UTP15: variants seen among roughly 807,000 people sequenced by gnomAD.
UTP15 encodes the protein UTP15 small subunit processome component.
Under a neutral mutation model 59.1 loss-of-function variants are expected in UTP15, and 5 were observed. The ratio of observed to expected loss-of-function variants is 0.08; its 90% CI spans 0.04 to 0.18. UTP15 has a LOEUF of 0.18. Among genes scored for constraint, UTP15 ranks in the 10% least tolerant of loss-of-function variants. The probability of loss-of-function intolerance (pLI) is 1.00; values close to 1 mark genes in which losing one functional copy is unlikely to be tolerated. For missense variants in UTP15, 494 were observed against 616.7 expected, an observed-to-expected ratio of 0.80 and a Z score of 2.11; for synonymous variants, 211 against 212.2, an observed-to-expected ratio of 0.99 and a Z score of 0.05.
chr5:73,569,612 G>A lies in UTP15; in HGVS notation c.484G>A (p.Glu162Lys). The change falls in exon 5 of 13, where the codon GAA becomes AAA. Residue 162 changes from glutamate (E) to lysine (K), a missense_variant. By Grantham distance (56) the Glu-to-Lys change is moderately conservative. Transcript: ENST00000296792. ...CTCCAAAGAAATTTTGACATTTAAA[G>A]AACACTCTGATTATGTGAGGTGTGG... ...PNSKEILTFK[E>K]HSDYVRCGCA... is the part of the protein sequence containing the mutation. 1 of 1,613,748 alleles carries A rather than the reference G, an allele frequency of 6.2e-7. No individual in the cohort carries two copies. The highest frequency in any genetic ancestry group is 8.5e-7 in the Non-Finnish European group (1 of 1,179,856).
At chr5:73,570,402 G>A (rs761812800) in intron 5 of UTP15, among the ~76,000 whole-genome samples, 184 bp from the exon 6 acceptor site, 2 of 152,200 alleles carry the variant, frequency 1.3e-5, no homozygotes, top group South Asian at 2.1e-4. Context: ...ATAGTATTAT[G>A]TAGTGCTTCT....
Position 73,578,811 on chromosome 5 carries a change from A to G in UTP15, c.1105A>G (p.Lys369Glu), listed in dbSNP as rs151157740. ...KHLELYDRDLKHFRISKALDR... is the reference protein window; with the variant it reads ...KHLELYDRDLEHFRISKALDR... ...CCTAGAATTGTATGACAGGGATCTG[A>G]AACATTTTCGGATCTCTAAGGCACT... The change falls in exon 10 of 13, where the codon AAA (lysine) becomes GAA (glutamate). Residue 369 changes from lysine (K) to glutamate (E), a missense_variant. Lys to Glu is a moderately conservative substitution (Grantham distance 56). Coordinates refer to ENST00000296792, the MANE Select transcript of UTP15 (RefSeq NM_032175.4). The G allele has an allele frequency of 7.1e-4, 1,143 of 1,613,990 alleles. 21 individuals carry two copies. The Admixed American group carries it at 0.017, about 25-fold the overall frequency.
At chr5:73,570,192 GT>G (rs760841078) in intron 5 of UTP15, among the ~76,000 whole-genome samples, 18 of 152,214 alleles carry the variant, frequency 1.2e-4, no homozygotes, top group Non-Finnish European at 2.5e-4. Flanking sequence ...TCTTCCAAAT[GT>G]GTTTGGAAAA....
intron 7 of UTP15, among the ~76,000 whole-genome samples, chr5:73,573,554 G>T (rs1748004092): frequency 7.0e-6 from 1 of 141,888 alleles, no homozygotes; most frequent in African/African-American, 2.6e-5. Context: ...GGCCTGAAAA[G>T]TTTTTTAAAA....
chr5:73,579,987 T>A lies in UTP15; in HGVS notation c.1450T>A (p.Leu484Met), dbSNP rs536479602. The A allele has an allele frequency of 3.1e-6, 5 of 1,613,894 alleles. No individual in the cohort carries two copies. Among genetic ancestry groups the A allele is most frequent in the Non-Finnish European group, 4.2e-6 (5 of 1,179,854 alleles). Residue 484 changes from leucine (L) to methionine (M), a missense_variant, in exon 13 of 13, where the codon TTG becomes ATG. Transcript: ENST00000296792. ...TTACCAAAGAGAATTGTTAGAAACC[T>A]TGGGGATGATGGATATGCTTTTTGC... ...IDYQRELLET[L>M]GMMDMLFATM...
chr5:73,573,966 A>C (rs1264430396), intron 7 of UTP15, among the ~76,000 whole-genome samples: 1 of 152,124 alleles, frequency 6.6e-6, no homozygotes, highest in Non-Finnish European at 1.5e-5. Context: ...TATGTAATCT[A>C]TGTCAAAATT....
chr5:73,579,420 G>A (rs1360561105), intron 12 of UTP15, 45 bp downstream of exon 12: 7 of 1,414,750 alleles, frequency 4.9e-6, no homozygotes, highest in Non-Finnish European at 6.8e-6. Context: ...GCTTGCAAAA[G>A]TAGAGATGTC....
rs142841898 is a variant in UTP15, at chr5:73,580,078, A to C, written c.1541A>C (p.Lys514Thr). 1.1e-5 allele frequency: 17 copies of C among 1,613,420 alleles called. No individual in the cohort carries two copies. In the African/African-American group the frequency reaches 2.0e-4, roughly 19 times the overall value. ...EHTSDGFPEN[K>T]KIES ...ACATCTGATGGATTTCCAGAGAATA[A>C]GAAGATAGAATCATAGTGTCTGCTA... Residue 514 changes from lysine (K) to threonine (T), a missense_variant, in exon 13 of 13, where the codon AAG (lysine) becomes ACG (threonine). Physicochemically the swap from Lys to Thr is moderately conservative, Grantham distance 78. Coordinates refer to ENST00000296792, the MANE Select transcript of UTP15 (RefSeq NM_032175.4).
chr5:73,579,303 T>C lies in UTP15; in HGVS notation c.1281-14T>C, dbSNP rs1748224503. On this transcript the variant is annotated splice_polypyrimidine_tract_variant and intron_variant, in intron 11 of 12. Coordinates refer to ENST00000296792, the MANE Select transcript of UTP15 (RefSeq NM_032175.4). ...AGTTTACAAGTTTCACTAAACTGAATTTTTACTTTGTAGGAATCTTTCTCA... is the reference window on the plus strand; with the variant it reads ...AGTTTACAAGTTTCACTAAACTGAACTTTTACTTTGTAGGAATCTTTCTCA... The C allele has an allele frequency of 1.4e-5, 23 of 1,605,520 alleles. No individual in the cohort carries two copies. Among genetic ancestry groups the C allele is most frequent in the Non-Finnish European group, 2.0e-5 (23 of 1,176,868 alleles).
chr5:73,579,267 T>A, intron 11 of UTP15, 50 bp from the exon 12 acceptor site: 1 of 1,217,076 alleles, frequency 8.2e-7, no homozygotes, highest in Non-Finnish European at 1.1e-6. Flanking sequence ...GTTTTAAGGA[T>A]TTTTTTTTTA....
Position 73,580,296 on chromosome 5 carries a change from G to A in UTP15, c.*202G>A, listed in dbSNP as rs1192846714. 2 of 461,618 alleles carry A rather than the reference G, an allele frequency of 4.3e-6. No individual in the cohort carries two copies. Among genetic ancestry groups the A allele is most frequent in the African/African-American group, 2.0e-5 (1 of 50,238 alleles). The allele number at this position is 461,618 out of a possible 1,614,324, so 28.6% of individuals were successfully genotyped here. A position where few individuals can be genotyped will look rare whatever the true frequency, so the allele number is the denominator to read the frequency against. ...TTTCCATGTAATATTTTGAATTATA[G>A]CATCTTCACCTAGAAGATCTCAATT... On this transcript the variant is annotated 3_prime_UTR_variant, in exon 13 of 13. Transcript: ENST00000296792.
Position 73,581,270 on chromosome 5 carries a change from A to G in UTP15, c.*1176A>G, listed in dbSNP as rs960649041. On this transcript the variant is annotated 3_prime_UTR_variant, in exon 13 of 13. Transcript: ENST00000296792. The stretch of plus-strand genomic sequence containing the variant: ...GGGTTTCACCTTACCGGGCTGGTCT[A>G]AAACTCCTGACCTCAAGTGATCTAC... The G allele has an allele frequency of 5.3e-5, 8 of 152,170 alleles. 1 individual carries two copies. Among genetic ancestry groups the G allele is most frequent in the Admixed American group, 6.6e-5 (1 of 15,260 alleles). 9.4% of individuals were successfully genotyped at this position (152,170 alleles called of 1,614,324 possible). A position where few individuals can be genotyped will look rare whatever the true frequency, so the allele number is the denominator to read the frequency against.
intron 7 of UTP15, among the ~76,000 whole-genome samples, chr5:73,576,013 C>T (rs940162967): frequency 5.9e-5 from 9 of 151,306 alleles, no homozygotes; most frequent in Non-Finnish European, 1.0e-4. Context: ...TGTGAGCCAC[C>T]GCACCCGGCT....
At chr5:73,572,445 A>T in intron 6 of UTP15, 44 bp from the exon 7 acceptor site, 1 of 1,606,732 alleles carries the variant, frequency 6.2e-7, no homozygotes. Context: ...AATATGTTGA[A>T]TCTGTGGGCA....
At position 73,579,348 on chromosome 5, in the gene UTP15, T is replaced by G. The variant is rs1392279641; in HGVS notation, c.1312T>G (p.Leu438Val). The G allele has an allele frequency of 1.9e-6, 3 of 1,610,858 alleles. No individual in the cohort carries two copies. In the Admixed American group the frequency reaches 5.0e-5, roughly 27 times the overall value. The change falls in exon 12 of 13, where the codon TTA becomes GTA. Residue 438 changes from leucine to valine, a missense_variant. Physicochemically the swap from Leu to Val is conservative, Grantham distance 32. Coordinates refer to ENST00000296792, the MANE Select transcript of UTP15 (RefSeq NM_032175.4). ...TTCTCAGCCAAGATTTGCCCCTGTTTTAATCAATGCTGCTGAAATAATTAT... is the reference window on the plus strand; with the variant it reads ...TTCTCAGCCAAGATTTGCCCCTGTTGTAATCAATGCTGCTGAAATAATTAT... Reference protein sequence around the residue: ...NLSQPRFAPVLINAAEIIIDI... With the variant: ...NLSQPRFAPVVINAAEIIIDI...
Position 73,568,334 on chromosome 5 carries a change from A to C in UTP15, c.183+7A>C. 6.3e-7 allele frequency: 1 copy of C among 1,589,398 alleles called. No homozygotes were observed. The highest frequency in any genetic ancestry group is 8.5e-7 in the Non-Finnish European group (1 of 1,170,054). On this transcript the variant is annotated splice_region_variant and intron_variant, in intron 3 of 12. Transcript: ENST00000296792. ...TGTCACAGCTTCCTCAAGAGTAAGT[A>C]TAATATTAAATTTCTTTATTTTTCT... is the stretch of plus-strand genomic sequence containing the variant.
chr5:73,566,383 C>A (rs1747765349), intron 1 of UTP15, among the ~76,000 whole-genome samples: 3 of 152,194 alleles, frequency 2.0e-5, no homozygotes, highest in Admixed American at 2.0e-4. Context: ...ATTTCATTCA[C>A]CATTATAGCC....
chr5:73,578,151 T>A, intron 9 of UTP15, 146 bp downstream of exon 9: 1 of 775,980 alleles, frequency 1.3e-6, no homozygotes, highest in Non-Finnish European at 2.0e-6. Context: ...ATTGCTAGAT[T>A]GGGGACATTA....
chr5:73,577,768 G>A (rs1748144885), intron 8 of UTP15, 88 bp from the exon 9 acceptor site: 1 of 1,139,142 alleles, frequency 8.8e-7, no homozygotes, highest in Non-Finnish European at 1.2e-6. Flanking sequence ...TGGACAAGCA[G>A]CAAACACATG....
Sources: allele counts gnomAD v4.1 joint callset (sites outside exome capture counted in the v4.1 genomes callset), GRCh38; gene constraint gnomAD v4.1.1; transcripts MANE v1.5; gene names NCBI Gene and HGNC (gene_info 2026-07-23, HGNC 2026-07-21).